Variants in IGF2R observed in about 807,000 individuals in gnomAD.
IGF2R encodes the protein insulin like growth factor 2 receptor.
A neutral mutation model predicts 270.6 loss-of-function variants in IGF2R; 91 were observed. The observed-to-expected ratio is 0.34, with a 90% confidence interval of 0.28 to 0.40. The LOEUF is 0.40. Among genes scored for constraint, IGF2R ranks in the 10% least tolerant of loss-of-function variants. IGF2R has a pLI of 1.00. For synonymous variants in IGF2R, 1,316 were observed against 1,258.9 expected, an observed-to-expected ratio of 1.05 and a Z score of -0.96; for missense variants, 2,805 against 3,188.3, an observed-to-expected ratio of 0.88 and a Z score of 2.90.
At chr6:159,997,320 G>A (rs1205577899) in intron 2 of IGF2R, among the ~76,000 whole-genome samples, 1 of 152,142 alleles carries the variant, frequency 6.6e-6, no homozygotes, top group Non-Finnish European at 1.5e-5. Flanking sequence ...GTCTCAGCAG[G>A]TGCCAAGAAA....
At chr6:160,082,909 C>A (rs1351610807) in intron 39 of IGF2R, among the ~76,000 whole-genome samples, 1 of 152,174 alleles carries the variant, frequency 6.6e-6, no homozygotes, top group East Asian at 1.9e-4. Flanking sequence ...CCTCTGCTCC[C>A]CTGAAGGGGT....
At chr6:160,068,584 G>T (rs552815241) in intron 30 of IGF2R, among the ~76,000 whole-genome samples, 199 bp downstream of exon 30, 1 of 151,700 alleles carries the variant, frequency 6.6e-6, no homozygotes, top group African/African-American at 2.4e-5. Flanking sequence ...GGTCCTCCTC[G>T]TGGGGTGGTG....
chr6:160,048,128 T>G (rs186535295), intron 17 of IGF2R, among the ~76,000 whole-genome samples: 79 of 152,320 alleles, frequency 5.2e-4, no homozygotes, highest in Non-Finnish European at 4.3e-4. Context: ...GCCTTTAGCT[T>G]CATCATTTAA....
chr6:160,007,579 C>G (rs570889858), intron 2 of IGF2R: 4 of 152,172 alleles, frequency 2.6e-5, no homozygotes, highest in East Asian at 1.9e-4. Context: ...AGAATTTTTT[C>G]TTTTCATTGG....
At chr6:159,996,650 G>T (rs1476445520) in intron 2 of IGF2R, among the ~76,000 whole-genome samples, 2 of 152,174 alleles carry the variant, frequency 1.3e-5, no homozygotes, top group African/African-American at 2.4e-5. Flanking sequence ...CCGTCCTGGC[G>T]CTGGGAATAT....
chr6:160,008,885 C>A (rs1784287987), intron 2 of IGF2R, 125 bp from the exon 3 acceptor site: 1 of 961,250 alleles, frequency 1.0e-6, no homozygotes. Flanking sequence ...TGGGAAAGGA[C>A]AGTTTTATAA....
intron 1 of IGF2R, among the ~76,000 whole-genome samples, chr6:159,972,752 A>G (rs1462897574): frequency 6.6e-6 from 1 of 152,180 alleles, no homozygotes; most frequent in Admixed American, 6.5e-5. Flanking sequence ...AGACAGCACC[A>G]TTTCAGCAGC....
chr6:160,098,756 T>G (rs545053835), intron 45 of IGF2R, among the ~76,000 whole-genome samples: 160 of 152,158 alleles, frequency 1.1e-3, no homozygotes, highest in African/African-American at 3.8e-3. Flanking sequence ...AAGGTGGAGG[T>G]TGCAGTGAGC....
chr6:160,105,361 G>T lies in IGF2R; in HGVS notation c.*277G>T. Reference sequence around the variant, plus strand: ...AGTCCTCATTTAAAAGCATAAGGCCGGACGCATCTCAAAACAGAGGGCTGC... The same window carrying T: ...AGTCCTCATTTAAAAGCATAAGGCCTGACGCATCTCAAAACAGAGGGCTGC... On this transcript the variant is annotated 3_prime_UTR_variant, in exon 48 of 48. Coordinates refer to ENST00000356956, the MANE Select transcript of IGF2R (RefSeq NM_000876.4). The T allele has an allele frequency of 5.5e-6, 2 of 361,612 alleles. No individual in the cohort carries two copies. The highest frequency in any genetic ancestry group is 1.0e-5 in the Non-Finnish European group (2 of 199,918). 22.4% of individuals were successfully genotyped at this position (361,612 alleles called of 1,614,324 possible).
At chr6:160,082,884 T>G (rs1297149769) in intron 39 of IGF2R, among the ~76,000 whole-genome samples, 6 of 152,184 alleles carry the variant, frequency 3.9e-5, no homozygotes, top group Admixed American at 3.9e-4. Flanking sequence ...CAGGCCTTGG[T>G]CTGACATTCT....
rs762960811 is a variant in IGF2R, at chr6:160,046,603, G to A, written c.2009G>A (p.Ser670Asn). The A allele has an allele frequency of 2.5e-6, 4 of 1,613,630 alleles. No individual in the cohort carries two copies. The Admixed American group carries it at 6.7e-5, about 27-fold the overall frequency. Residue 670 changes from serine to asparagine, a missense_variant, in exon 15 of 48, where the codon AGC becomes AAC. Ser to Asn is a conservative substitution (Grantham distance 46). Around this residue, in one of 2 missense-constraint regions of IGF2R, gnomAD observed 954 missense variants for 981.1 expected, o/e 0.97. Coordinates refer to ENST00000356956, the MANE Select transcript of IGF2R (RefSeq NM_000876.4). ...AATGTGTGTGGCCCGGTGTCTGTGA[G>A]CCCCTGTCAGCCAGACTCAGGAGCC... ...YINVCGPVSV[S>N]PCQPDSGACQ...
chr6:160,079,979 A>G, intron 38 of IGF2R, 150 bp from the exon 39 acceptor site: 1 of 1,062,720 alleles, frequency 9.4e-7, no homozygotes, highest in Non-Finnish European at 1.4e-6. Flanking sequence ...GTGTTCTCTC[A>G]GTTGCCTGGT....
intron 10 of IGF2R, among the ~76,000 whole-genome samples, chr6:160,039,199 G>A (rs781613857): frequency 6.6e-6 from 1 of 152,224 alleles, no homozygotes; most frequent in Non-Finnish European, 1.5e-5. Context: ...ATATGGTGTA[G>A]CCTATTGGCT....
chr6:160,021,055 CA>C (rs1777421612), intron 4 of IGF2R, among the ~76,000 whole-genome samples: 1 of 152,196 alleles, frequency 6.6e-6, no homozygotes, highest in South Asian at 2.1e-4. Flanking sequence ...CTACATTCAA[CA>C]AAGGATTGAT....
rs974995038 is a variant in IGF2R at position 160,111,131 on chromosome 6, T to C, written c.*6047T>C. 15 of 152,212 alleles carry C rather than the reference T, an allele frequency of 9.9e-5. No individual in the cohort carries two copies. Among genetic ancestry groups the C allele is most frequent in the African/African-American group, 3.6e-4 (15 of 41,458 alleles). The allele number at this position is 152,212 out of a possible 1,614,324, so 9.4% of individuals were successfully genotyped here. A position where few individuals can be genotyped will look rare whatever the true frequency, so the allele number is the denominator to read the frequency against. On this transcript the variant is annotated 3_prime_UTR_variant, in exon 48 of 48. Transcript: ENST00000356956. ...TGTTTAACTAGCTTGACTGGGGCAATGATTTTGTAATGATAAGTATCTCAA... is the reference window on the plus strand; with the variant it reads ...TGTTTAACTAGCTTGACTGGGGCAACGATTTTGTAATGATAAGTATCTCAA...
chr6:160,059,218 A>C (rs1583284559), intron 22 of IGF2R, 120 bp downstream of exon 22: 1 of 755,732 alleles, frequency 1.3e-6, no homozygotes, highest in Non-Finnish European at 2.1e-6. Context: ...TGTGCTGTCC[A>C]CCTTGCTGCA....
At chr6:159,989,219 C>T (rs1224452520) in intron 1 of IGF2R, among the ~76,000 whole-genome samples, 1 of 152,068 alleles carries the variant, frequency 6.6e-6, no homozygotes, top group African/African-American at 2.4e-5. Flanking sequence ...GTTCCCAGAC[C>T]TAGGAGTTCT....
At chr6:160,053,728 G>A (rs1460004380) in intron 19 of IGF2R, among the ~76,000 whole-genome samples, 2 of 152,030 alleles carry the variant, frequency 1.3e-5, no homozygotes, top group Non-Finnish European at 2.9e-5. Context: ...ACTTTTACAG[G>A]GTCTTGCTGT....
rs778867815 is a variant in IGF2R at position 160,073,849 on chromosome 6, G to A, written c.5040G>A (p.Glu1680=). 3 of 1,613,968 alleles carry A rather than the reference G, an allele frequency of 1.9e-6. No homozygotes were observed. The highest frequency in any genetic ancestry group is 1.7e-6 in the Non-Finnish European group (2 of 1,179,848). ...TGGYEAYDES[E]DDASDTNPDF... ...GTTATGAGGCTTATGATGAGAGTGA[G>A]GATGATGCCTCCGATACCAACCCTG... The change falls in exon 35 of 48, where the codon GAG becomes GAA. Residue 1680 remains glutamate (E), a synonymous_variant. Coordinates refer to ENST00000356956, the MANE Select transcript of IGF2R (RefSeq NM_000876.4).
Sources: gnomAD v4.1 joint callset for allele counts (sites outside exome capture counted in the v4.1 genomes callset) on GRCh38, gnomAD v4.1.1 for gene constraint, gnomAD v4.1.1 regional missense constraint, MANE v1.5 for transcripts, NCBI Gene and HGNC (gene_info 2026-07-23, HGNC 2026-07-21) for gene names.